The following GLRA3 variants were observed in gnomAD, a reference collection of about 807,000 sequenced individuals.
The protein encoded by GLRA3 is glycine receptor alpha 3, also known as glycine receptor subunit alpha-3.
Under a neutral mutation model 60.4 loss-of-function variants are expected in GLRA3, and 44 were observed. The observed-to-expected ratio is 0.73, with a 90% CI of 0.57 to 0.94. The LOEUF (loss-of-function observed/expected upper bound fraction) is 0.94, where lower values mean the gene tolerates loss of function less well. Ranked by LOEUF, GLRA3 falls within the 40% of genes least tolerant of loss-of-function variation. The pLI, the probability that GLRA3 is intolerant of heterozygous loss-of-function variation, is 0.00. For missense variants in GLRA3, 508 were observed against 564.6 expected, an observed-to-expected ratio of 0.90 and a Z score of 1.02; for synonymous variants, 223 against 192.9, an observed-to-expected ratio of 1.16 and a Z score of -1.29.
chr4:174,707,781 C>A (rs1735569635), intron 5 of GLRA3, among the ~76,000 whole-genome samples: 1 of 152,242 alleles, frequency 6.6e-6, no homozygotes, highest in East Asian at 1.9e-4. Context: ...TAAATCATAT[C>A]GTTTTCTCTG....
intron 1 of GLRA3, among the ~76,000 whole-genome samples, chr4:174,798,789 TGGTG>T (rs1739681020): frequency 1.3e-5 from 2 of 152,058 alleles, no homozygotes; most frequent in Non-Finnish European, 2.9e-5. Context: ...CTGGGTGTGG[TGGTG>T]AGCGCCTGTA....
chr4:174,675,215 T>C (rs1234573489), intron 7 of GLRA3, among the ~76,000 whole-genome samples: 2 of 152,166 alleles, frequency 1.3e-5, no homozygotes, highest in African/African-American at 4.8e-5. Flanking sequence ...TGTATGTGTA[T>C]AGCTGAACTC....
intron 4 of GLRA3, among the ~76,000 whole-genome samples, chr4:174,717,350 GGAAA>G (rs1031015094): frequency 1.5e-5 from 2 of 132,080 alleles, no homozygotes; most frequent in Non-Finnish European, 3.3e-5. Flanking sequence ...AAAGGAGGGA[GGAAA>G]GAAAGAAGGA....
chr4:174,754,122 G>A (rs1005663288), intron 3 of GLRA3, among the ~76,000 whole-genome samples: 8 of 152,220 alleles, frequency 5.3e-5, no homozygotes, highest in Admixed American at 3.9e-4. Flanking sequence ...TTTGTGAACA[G>A]GATCTGTAGA....
chr4:174,679,611 T>G (rs538636508), intron 6 of GLRA3, among the ~76,000 whole-genome samples: 14 of 152,132 alleles, frequency 9.2e-5, no homozygotes, highest in Non-Finnish European at 2.1e-4. Context: ...TCACAATAGC[T>G]AAGATAAGGA....
rs148572387 is a variant in GLRA3, at chr4:174,764,638, G to A, written c.267+2325C>T. ...AAAAAATACATTAACACATATATTA[G>A]CATTTTTACTGAATTAAAAAAATAC... On this transcript the variant is annotated intron_variant, in intron 3 of 9. Coordinates refer to ENST00000274093, the MANE Select transcript of GLRA3 (RefSeq NM_006529.4). 7.3e-3 allele frequency among the ~76,000 whole-genome samples: 1,107 copies of A among 151,400 alleles called. 10 individuals carry two copies. Among genetic ancestry groups the A allele is most frequent in the Middle Eastern group, 0.031 (9 of 290 alleles).
intron 7 of GLRA3, among the ~76,000 whole-genome samples, chr4:174,675,924 C>A (rs1349280612): frequency 2.6e-5 from 4 of 151,998 alleles, no homozygotes; most frequent in Non-Finnish European, 5.9e-5. Context: ...GGAGCCATGA[C>A]AATAGATTTA....
intron 2 of GLRA3, among the ~76,000 whole-genome samples, chr4:174,788,590 TAAAAA>T (rs35640897): frequency 1.1e-5 from 1 of 87,876 alleles, no homozygotes; most frequent in Non-Finnish European, 2.2e-5. Flanking sequence ...GTTAGAGAAG[TAAAAA>T]AAAAAAAAAA....
chr4:174,778,727 T>C (rs1362721133), intron 2 of GLRA3, among the ~76,000 whole-genome samples: 2 of 152,094 alleles, frequency 1.3e-5, no homozygotes, highest in African/African-American at 4.8e-5. Flanking sequence ...ACCTGGAAAA[T>C]CGGGTCACTC....
intron 1 of GLRA3, among the ~76,000 whole-genome samples, chr4:174,822,085 G>A (rs1740763013): frequency 6.6e-6 from 1 of 152,128 alleles, no homozygotes; most frequent in African/African-American, 2.4e-5. Flanking sequence ...GAGACAACTT[G>A]CATGAAAATC....
intron 1 of GLRA3, among the ~76,000 whole-genome samples, chr4:174,816,794 T>A (rs918527467): frequency 2.0e-5 from 3 of 152,120 alleles, no homozygotes; most frequent in Non-Finnish European, 4.4e-5. Context: ...TTTTTTTAAT[T>A]TGTGTTCCCA....
chr4:174,812,102 A>G (rs1281374408), intron 1 of GLRA3, among the ~76,000 whole-genome samples: 1 of 152,200 alleles, frequency 6.6e-6, no homozygotes, highest in Non-Finnish European at 1.5e-5. Context: ...TTCACCAATC[A>G]GAAATAAGCA....
chr4:174,773,119 T>C (rs2111253408), intron 2 of GLRA3, among the ~76,000 whole-genome samples: 1 of 152,286 alleles, frequency 6.6e-6, no homozygotes, highest in East Asian at 1.9e-4. Flanking sequence ...TTGGCCAATC[T>C]GCTACTTCTC....
chr4:174,824,571 A>G lies in GLRA3; in HGVS notation c.71+4170T>C, dbSNP rs182755842. ...CTAGCTCAATAGTTGTTGTTAGTAG[A>G]ATATAATTTTAAATCATGAACTGTA... On this transcript the variant is annotated intron_variant, in intron 1 of 9. Transcript: ENST00000274093. Among the ~76,000 whole-genome samples, 16 of 152,252 alleles carry G rather than the reference A, an allele frequency of 1.1e-4. No individual in the cohort carries two copies. In the East Asian group the frequency reaches 2.7e-3, roughly 26 times the overall value.
intron 5 of GLRA3, among the ~76,000 whole-genome samples, chr4:174,699,438 A>C (rs1212928751): frequency 6.6e-6 from 1 of 152,228 alleles, no homozygotes; most frequent in Admixed American, 6.5e-5. Context: ...TGACATTGGC[A>C]CAGAAAGATG....
chr4:174,784,474 A>T (rs1323502231), intron 2 of GLRA3, among the ~76,000 whole-genome samples: 1 of 121,998 alleles, frequency 8.2e-6, no homozygotes, highest in South Asian at 2.4e-4. Context: ...TAATTAAAAA[A>T]AAAATACAAA....
In GLRA3 at chr4:174,638,282, A is replaced by G. The variant is rs1732547309; in HGVS notation, c.*5504T>C. On this transcript the variant is annotated 3_prime_UTR_variant, in exon 10 of 10. Coordinates refer to ENST00000274093, the MANE Select transcript of GLRA3 (RefSeq NM_006529.4). ...GAAACGCATCAAAGATTTATTTTAA[A>G]TTCTTTTTTTGTCTGTCTGTTTGTT... 1 of 152,002 alleles carries G rather than the reference A, an allele frequency of 6.6e-6. No individual in the cohort carries two copies. Among genetic ancestry groups the G allele is most frequent in the Admixed American group, 6.6e-5 (1 of 15,250 alleles). The allele number at this position is 152,002 out of a possible 1,614,324, so 9.4% of individuals were successfully genotyped here. A position where few individuals can be genotyped will look rare whatever the true frequency, so the allele number is the denominator to read the frequency against.
rs140687521 is a variant in GLRA3 at position 174,801,956 on chromosome 4, T to C, written c.72-13013A>G. 4.3e-3 allele frequency among the ~76,000 whole-genome samples: 659 copies of C among 152,116 alleles called. 5 individuals are homozygous for C. The highest frequency in any genetic ancestry group is 0.015 in the African/African-American group (609 of 41,520). On this transcript the variant is annotated intron_variant, in intron 1 of 9. Coordinates refer to ENST00000274093, the MANE Select transcript of GLRA3 (RefSeq NM_006529.4). ...ACTATTTAAGCAAAAATTGTCACTG[T>C]TTCATTTGTTTAAATAGCCCTAAAA...
intron 1 of GLRA3, among the ~76,000 whole-genome samples, chr4:174,803,057 G>GAAATATATGACA (rs1460888475): frequency 6.6e-6 from 1 of 151,972 alleles, no homozygotes; most frequent in Non-Finnish European, 1.5e-5. Flanking sequence ...ATTCAATAGT[G>GAAATATATGACA]AAATATATGA....
Sources: gnomAD v4.1 joint callset for allele counts (sites outside exome capture counted in the v4.1 genomes callset) on GRCh38, gnomAD v4.1.1 for gene constraint, MANE v1.5 for transcripts, NCBI Gene and HGNC (gene_info 2026-07-23, HGNC 2026-07-21) for gene names.